The following SLC30A8 variants were observed in gnomAD, a reference collection of about 807,000 sequenced individuals.
SLC30A8 encodes the protein solute carrier family 30 member 8, also known as proton-coupled zinc antiporter SLC30A8.
In SLC30A8, 27 loss-of-function variants were observed where a neutral mutation model predicts 36.9. That is an observed-to-expected ratio of 0.73 (90% CI 0.54 to 1.01). SLC30A8 has a LOEUF of 1.01. SLC30A8 is among the 50% of genes least tolerant of loss of function. The probability of loss-of-function intolerance (pLI) is 0.00; values close to 1 mark genes in which losing one functional copy is unlikely to be tolerated. For synonymous variants in SLC30A8, 164 were observed against 172.4 expected (o/e 0.95, Z 0.38); for missense variants, 439 against 452.0 (o/e 0.97, Z 0.26).
At chr8:117,088,689 C>T (rs972199230) in intron 2 of SLC30A8, among the ~76,000 whole-genome samples, 15 of 152,204 alleles carry the variant, frequency 9.9e-5, no homozygotes, top group African/African-American at 2.9e-4. Flanking sequence ...AAGTAAACCC[C>T]GTAAAGCTTT....
intron 1 of SLC30A8, among the ~76,000 whole-genome samples, chr8:117,023,732 A>AG (rs1816783786): frequency 1.7e-5 from 1 of 57,488 alleles, no homozygotes; most frequent in African/African-American, 6.6e-5. Context: ...GGGGTGGGGG[A>AG]GGGGGGAGGG....
At chr8:117,171,288 T>C in intron 7 of SLC30A8, 120 bp downstream of exon 7, 1 of 1,153,568 alleles carries the variant, frequency 8.7e-7, no homozygotes, top group African/African-American at 1.5e-5. Context: ...CATTATAAAG[T>C]GTTTTCTATT....
chr8:117,043,946 C>T (rs1350929997), intron 2 of SLC30A8, among the ~76,000 whole-genome samples: 1 of 152,170 alleles, frequency 6.6e-6, no homozygotes, highest in Non-Finnish European at 1.5e-5. Context: ...TAAACTAAGT[C>T]AGATGGAGAC....
At chr8:117,143,810 T>C (rs1821776207) in intron 1 of SLC30A8, among the ~76,000 whole-genome samples, 2 of 152,216 alleles carry the variant, frequency 1.3e-5, no homozygotes, top group Non-Finnish European at 2.9e-5. Flanking sequence ...CCATATTTGT[T>C]AACCTTAGAA....
At chr8:117,081,901 T>C (rs1358178474) in intron 2 of SLC30A8, among the ~76,000 whole-genome samples, 3 of 152,328 alleles carry the variant, frequency 2.0e-5, no homozygotes, top group Admixed American at 6.5e-5. Flanking sequence ...CATTTTCTGC[T>C]CTTCTCCTGC....
chr8:117,066,495 AT>A (rs200480116), intron 2 of SLC30A8, among the ~76,000 whole-genome samples: 1 of 151,706 alleles, frequency 6.6e-6, no homozygotes, highest in Non-Finnish European at 1.5e-5. Context: ...CAGAAAAGTG[AT>A]TTTTTTTTCT....
At chr8:117,028,139 G>A (rs981390139) in intron 1 of SLC30A8, among the ~76,000 whole-genome samples, 1 of 152,112 alleles carries the variant, frequency 6.6e-6, no homozygotes, top group Admixed American at 6.6e-5. Context: ...GAGAAAGAGA[G>A]GAAGAAGGCT....
intron 2 of SLC30A8, among the ~76,000 whole-genome samples, chr8:117,121,997 CAT>C (rs1283440989): frequency 6.6e-6 from 1 of 151,824 alleles, no homozygotes. Context: ...CAATAAAAAA[CAT>C]ATAAAATGTA....
chr8:117,115,495 A>G (rs903925998), intron 2 of SLC30A8, among the ~76,000 whole-genome samples: 3 of 152,198 alleles, frequency 2.0e-5, no homozygotes, highest in Admixed American at 1.3e-4. Context: ...TGCTAGCAGC[A>G]GTAGGTATTC....
chr8:116,963,773 C>G (rs1023342766), intron 1 of SLC30A8, among the ~76,000 whole-genome samples: 2 of 152,100 alleles, frequency 1.3e-5, no homozygotes, highest in Non-Finnish European at 2.9e-5. Flanking sequence ...GAGTGTATAT[C>G]CAGGAGTGGA....
chr8:116,950,319 A>C (rs1414953133), upstream of SLC30A8: 1 of 155,050 alleles, frequency 6.4e-6, no homozygotes, highest in East Asian at 1.9e-4. Context: ...CAGTTAATGC[A>C]TACTGAAGGA....
chr8:117,077,545 A>G (rs1246968194), intron 2 of SLC30A8, among the ~76,000 whole-genome samples: 1 of 152,208 alleles, frequency 6.6e-6, no homozygotes, highest in Middle Eastern at 3.2e-3. Flanking sequence ...GAATATGACT[A>G]CTTTATTTCA....
intron 1 of SLC30A8, among the ~76,000 whole-genome samples, chr8:116,965,051 C>T (rs544958136): frequency 1.5e-4 from 23 of 152,308 alleles, no homozygotes; most frequent in African/African-American, 5.5e-4. Context: ...ATTCTCCTGC[C>T]TCTGCCTCCC....
chr8:116,992,990 G>C lies in SLC30A8; in HGVS notation c.-266+41871G>C, dbSNP rs190311701. ...GAGTAAAGAAGATATAGAGATTAAA[G>C]TTTCAGAGTGCCATGGTGGCTGAGA... On this transcript the variant is annotated intron_variant, in intron 1 of 10. Coordinates refer to the SLC30A8 transcript ENST00000427715. 1.8e-4 allele frequency among the ~76,000 whole-genome samples: 27 copies of C among 152,118 alleles called. 1 individual carries two copies. In the East Asian group the frequency reaches 3.7e-3, roughly 21 times the overall value.
intron 1 of SLC30A8, among the ~76,000 whole-genome samples, chr8:116,978,455 C>T (rs1319978895): frequency 1.5e-5 from 1 of 66,026 alleles, no homozygotes; most frequent in Non-Finnish European, 3.1e-5. Context: ...ATGCTTGATG[C>T]TTTATATAGT....
chr8:117,007,641 C>T (rs1816224976), intron 1 of SLC30A8, among the ~76,000 whole-genome samples: 1 of 152,122 alleles, frequency 6.6e-6, no homozygotes, highest in Admixed American at 6.5e-5. Context: ...AAAGAGATAA[C>T]ACTAAAGGTT....
chr8:116,970,911 A>G (rs1814773028), intron 1 of SLC30A8, among the ~76,000 whole-genome samples: 1 of 152,194 alleles, frequency 6.6e-6, no homozygotes, highest in Non-Finnish European at 1.5e-5. Flanking sequence ...CCTGGCCAAC[A>G]TGGCGAAACC....
intron 1 of SLC30A8, among the ~76,000 whole-genome samples, chr8:116,951,280 T>G (rs1813983669): frequency 6.6e-6 from 1 of 152,206 alleles, no homozygotes; most frequent in African/African-American, 2.4e-5. Context: ...CTCATTAGTG[T>G]GAATTAACCT....
At chr8:117,128,367 G>T (rs1820995772) in intron 2 of SLC30A8, 2 of 152,050 alleles carry the variant, frequency 1.3e-5, no homozygotes. Flanking sequence ...CTTCATTACT[G>T]ATGCTACCTT....
Sources: allele counts gnomAD v4.1 joint callset (sites outside exome capture counted in the v4.1 genomes callset), GRCh38; gene constraint gnomAD v4.1.1; transcripts MANE v1.5; gene names NCBI Gene and HGNC (gene_info 2026-07-23, HGNC 2026-07-21).